SLC8A1: variants seen among roughly 807,000 people sequenced by gnomAD.
SLC8A1 encodes sodium/calcium exchanger 1.
A neutral mutation model predicts 68.3 loss-of-function variants in SLC8A1; 18 were observed. That is an observed-to-expected ratio of 0.26 (90% CI 0.18 to 0.39). The LOEUF is 0.39. Ranked by LOEUF, SLC8A1 falls within the 10% of genes least tolerant of loss-of-function variation. The pLI is 1.00. For synonymous variants in SLC8A1, 475 were observed against 415.5 expected, an observed-to-expected ratio of 1.14 and a Z score of -1.74; for missense variants, 985 against 1,156.7, an observed-to-expected ratio of 0.85 and a Z score of 2.15.
rs1184259599 is a variant in SLC8A1, at chr2:40,429,519, C to T, written c.762G>A (p.Arg254=). Reference sequence around the variant, plus strand: ...AGACATACTTGTAAAACAGAAGTCTCCTATCCGCTACCCAAGCGAACACAA... The same window carrying T: ...AGACATACTTGTAAAACAGAAGTCTTCTATCCGCTACCCAAGCGAACACAA... Residue 254 remains arginine, a synonymous_variant, in exon 2 of 8, where the codon AGG becomes AGA. Transcript: ENST00000406785. The T allele has an allele frequency of 2.5e-6, 4 of 1,613,676 alleles. No individual in the cohort carries two copies. In the African/African-American group the frequency reaches 5.3e-5, roughly 22 times the overall value.
intron 1 of SLC8A1, among the ~76,000 whole-genome samples, chr2:40,461,662 T>C (rs1304350407): frequency 6.6e-6 from 1 of 152,196 alleles, no homozygotes; most frequent in Non-Finnish European, 1.5e-5. Flanking sequence ...TTCAGAAATA[T>C]ACAAGACCAG....
exon 8 of SLC8A1, chr2:40,104,613 G>A (rs930848329): frequency 6.6e-6 from 1 of 152,168 alleles, no homozygotes; most frequent in African/African-American, 2.4e-5. Flanking sequence ...AATGCCATAA[G>A]TGGACTCTTC....
exon 8 of SLC8A1, chr2:40,105,976 G>C (rs531394280): frequency 6.6e-6 from 1 of 152,164 alleles, no homozygotes; most frequent in Admixed American, 6.5e-5. Flanking sequence ...GGGCAGGAGA[G>C]GCAGTGGTTG....
chr2:40,200,231 TATATATAAA>T, intron 2 of SLC8A1, among the ~76,000 whole-genome samples: 3 of 14,674 alleles, frequency 2.0e-4, no homozygotes, highest in East Asian at 2.4e-3. Context: ...TTTTTATATA[TATATATAAA>T]TATATATATA....
At chr2:40,292,438 C>A (rs1332529066) in intron 2 of SLC8A1, among the ~76,000 whole-genome samples, 4 of 152,126 alleles carry the variant, frequency 2.6e-5, no homozygotes, top group Admixed American at 6.6e-5. Flanking sequence ...AGTGTCTAAG[C>A]TAGATTTTTG....
intron 2 of SLC8A1, among the ~76,000 whole-genome samples, chr2:40,389,678 C>A (rs571517105): frequency 1.6e-4 from 24 of 151,892 alleles, no homozygotes; most frequent in Non-Finnish European, 2.9e-4. Flanking sequence ...TCCCATGTCA[C>A]TCCCTTTCCA....
upstream of SLC8A1, among the ~76,000 whole-genome samples, chr2:40,454,289 G>A (rs1349454973): frequency 6.6e-6 from 1 of 152,144 alleles, no homozygotes; most frequent in South Asian, 2.1e-4. Context: ...AAAGCTAAAT[G>A]AAAATGTGAG....
intron 1 of SLC8A1, among the ~76,000 whole-genome samples, chr2:40,458,916 G>C (rs904068160): frequency 6.6e-6 from 1 of 152,156 alleles, no homozygotes; most frequent in East Asian, 1.9e-4. Flanking sequence ...TCAATCGTTG[G>C]TCATCAAGCA....
rs982225659 is a variant in SLC8A1 at position 40,398,396 on chromosome 2, T to G, written c.1808+30077A>C. On this transcript the variant is annotated intron_variant, in intron 2 of 7. Coordinates refer to ENST00000406785, the Ensembl canonical transcript of SLC8A1. ...GTACTGTCTTGTTCCTGGTTATTGG[T>G]GGTATATTTGTTTTTCTACTGTATG... 3.9e-5 allele frequency among the ~76,000 whole-genome samples: 6 copies of G among 152,298 alleles called. No individual in the cohort carries two copies. In the South Asian group the frequency reaches 8.3e-4, roughly 21 times the overall value.
At chr2:40,478,412 C>T (rs1247420746) in intron 1 of SLC8A1, among the ~76,000 whole-genome samples, 1 of 152,164 alleles carries the variant, frequency 6.6e-6, no homozygotes, top group Non-Finnish European at 1.5e-5. Flanking sequence ...CTTTACAGAT[C>T]TAAAGGTCCT....
intron 5 of SLC8A1, among the ~76,000 whole-genome samples, chr2:40,162,460 G>T (rs146276039): frequency 2.0e-5 from 3 of 152,268 alleles, no homozygotes; most frequent in South Asian, 4.2e-4. Context: ...CAATTGAACA[G>T]ATAAACTTCT....
intron 2 of SLC8A1, among the ~76,000 whole-genome samples, chr2:40,368,918 G>C (rs1677108384): frequency 1.4e-5 from 2 of 144,952 alleles, no homozygotes; most frequent in African/African-American, 5.3e-5. Context: ...TGACAAACCT[G>C]ACAAAAACAG....
intron 2 of SLC8A1, chr2:40,254,911 G>C (rs557982754): frequency 4.6e-5 from 7 of 152,142 alleles, no homozygotes; most frequent in Non-Finnish European, 7.4e-5. Flanking sequence ...GATGTGCAAG[G>C]CACTATTTAA....
At chr2:40,399,403 G>C (rs1485190090) in intron 2 of SLC8A1, among the ~76,000 whole-genome samples, 1 of 152,018 alleles carries the variant, frequency 6.6e-6, no homozygotes, top group East Asian at 1.9e-4. Flanking sequence ...AACACGCCAG[G>C]TAGATTATGG....
chr2:40,102,399 A>G (rs1405563068), exon 8 of SLC8A1: 2 of 151,108 alleles, frequency 1.3e-5, no homozygotes, highest in Non-Finnish European at 2.9e-5. Flanking sequence ...ATTTTAAAGT[A>G]TATCAAATGC....
intron 2 of SLC8A1, among the ~76,000 whole-genome samples, chr2:40,287,112 C>T (rs918979776): frequency 1.3e-5 from 2 of 152,184 alleles, no homozygotes; most frequent in Non-Finnish European, 2.9e-5. Flanking sequence ...CTCAGCTTGT[C>T]TGTCTGGCAG....
At chr2:40,098,847 A>G (rs982368633) in exon 8 of SLC8A1, 1 of 152,062 alleles carries the variant, frequency 6.6e-6, no homozygotes. Context: ...AATCACATTC[A>G]TAATAAAAGA....
intron 7 of SLC8A1, among the ~76,000 whole-genome samples, chr2:40,117,273 G>T (rs564997354): frequency 6.6e-6 from 1 of 151,554 alleles, no homozygotes; most frequent in Non-Finnish European, 1.5e-5. Context: ...GGCTGGGCAC[G>T]GTAGCTCATG....
At chr2:40,172,592 A>G (rs891617070) in intron 4 of SLC8A1, among the ~76,000 whole-genome samples, 4 of 152,144 alleles carry the variant, frequency 2.6e-5, no homozygotes, top group Admixed American at 2.0e-4. Flanking sequence ...CTAGGATCCC[A>G]TTACCTGAGA....
Sources: gnomAD v4.1 joint callset for allele counts (sites outside exome capture counted in the v4.1 genomes callset) on GRCh38, gnomAD v4.1.1 for gene constraint, MANE v1.5 for transcripts, NCBI Gene and HGNC (gene_info 2026-07-23, HGNC 2026-07-21) for gene names.